Variants in MEIOSIN observed in about 807,000 individuals in gnomAD.
MEIOSIN encodes the protein meiosis initiator protein.
A neutral mutation model predicts 23.4 loss-of-function variants in MEIOSIN; 18 were observed. The observed-to-expected ratio is 0.77, with a 90% CI of 0.53 to 1.14. The LOEUF is 1.14. Ranked by LOEUF, MEIOSIN falls within the 50% of genes most tolerant of loss-of-function variation. The pLI, the probability that MEIOSIN is intolerant of heterozygous loss-of-function variation, is 0.00. For missense variants in MEIOSIN, 428 were observed against 242.9 expected (o/e 1.76, Z -5.07); for synonymous variants, 187 against 100.6 (o/e 1.86, Z -5.14).
At chr19:45,760,790 T>A (rs1332696440) in intron 11 of MEIOSIN, among the ~76,000 whole-genome samples, 1 of 151,570 alleles carries the variant, frequency 6.6e-6, no homozygotes, top group African/African-American at 2.4e-5. Flanking sequence ...TAGCTGGGCG[T>A]GGTGGTGGGC....
At chr19:45,739,765 G>C in intron 3 of MEIOSIN, 35 bp downstream of exon 3, 1 of 703,038 alleles carries the variant, frequency 1.4e-6, no homozygotes. Flanking sequence ...TTGGATGTTG[G>C]CCAAGCAAAA....
intron 3 of MEIOSIN, among the ~76,000 whole-genome samples, chr19:45,741,024 C>A (rs1219120708): frequency 2.0e-5 from 3 of 152,024 alleles, no homozygotes; most frequent in Non-Finnish European, 2.9e-5. Flanking sequence ...GGGCCCTATA[C>A]AATTTTACCT....
At chr19:45,748,112 C>G (rs892359003) in intron 4 of MEIOSIN, among the ~76,000 whole-genome samples, 1 of 151,380 alleles carries the variant, frequency 6.6e-6, no homozygotes, top group Non-Finnish European at 1.5e-5. Flanking sequence ...GAGTCCCGCT[C>G]TGTACCCCAG....
chr19:45,759,018 G>A lies in MEIOSIN; in HGVS notation c.1153G>A (p.Glu385Lys), dbSNP rs1186145725. 1.4e-6 allele frequency: 1 copy of A among 703,080 alleles called. No homozygotes were observed. Among genetic ancestry groups the A allele is most frequent in the Non-Finnish European group, 2.6e-6 (1 of 385,018 alleles). The allele number at this position is 703,080 out of a possible 1,614,324, so 43.6% of individuals were successfully genotyped here. Residue 385 changes from glutamate to lysine, a missense_variant, in exon 10 of 15, where the codon GAG (glutamate) becomes AAG (lysine). Physicochemically the swap from Glu to Lys is moderately conservative, Grantham distance 56. Transcript: ENST00000457052. ...AGACGAGATCTTGGAGGATGACATGGAGTACCTGACCCAAGGTGAGGCCCA... is the reference window on the plus strand; with the variant it reads ...AGACGAGATCTTGGAGGATGACATGAAGTACCTGACCCAAGGTGAGGCCCA... ...LPDEILEDDMEYLTQAAFFEE... is the reference protein window; with the variant it reads ...LPDEILEDDMKYLTQAAFFEE...
At chr19:45,759,920 G>GC (rs1412524492) in intron 11 of MEIOSIN, among the ~76,000 whole-genome samples, 1 of 152,040 alleles carries the variant, frequency 6.6e-6, no homozygotes, top group Non-Finnish European at 1.5e-5. Flanking sequence ...TCCTGCCTCA[G>GC]CCCCCCTAGT....
intron 2 of MEIOSIN, 57 bp downstream of exon 2, chr19:45,735,504 A>T (rs1402371410): frequency 1.5e-6 from 1 of 669,808 alleles, no homozygotes; most frequent in East Asian, 2.7e-5. Context: ...AATAATAATA[A>T]CAAAAACATT....
intron 3 of MEIOSIN, among the ~76,000 whole-genome samples, chr19:45,741,023 A>T (rs1350990778): frequency 6.6e-6 from 1 of 151,972 alleles, no homozygotes; most frequent in Non-Finnish European, 1.5e-5. Flanking sequence ...TGGGCCCTAT[A>T]CAATTTTACC....
At chr19:45,756,618 C>A (rs574851552) in intron 8 of MEIOSIN, among the ~76,000 whole-genome samples, 124 of 151,972 alleles carry the variant, frequency 8.2e-4, no homozygotes, top group Non-Finnish European at 1.5e-3. Flanking sequence ...GAAATGAGGT[C>A]CCCCTATGTT....
intron 11 of MEIOSIN, 37 bp from the exon 12 acceptor site, chr19:45,761,635 ACCACTTG>A: frequency 1.5e-6 from 1 of 688,176 alleles, no homozygotes; most frequent in South Asian, 1.5e-5. Context: ...ATGAAGGGGC[ACCACTTG>A]TCTCCCCTCC....
At chr19:45,758,338 C>A (rs1226133208) in intron 9 of MEIOSIN, among the ~76,000 whole-genome samples, 1 of 152,038 alleles carries the variant, frequency 6.6e-6, no homozygotes, top group Non-Finnish European at 1.5e-5. Flanking sequence ...TATAATCAGC[C>A]TATGGGACTT....
Position 45,763,993 on chromosome 19 carries a change from C to T in MEIOSIN, c.1792C>T (p.Arg598Cys), listed in dbSNP as rs1969004783. 1.0e-5 allele frequency: 4 copies of T among 398,612 alleles called. No individual in the cohort carries two copies. In the East Asian group the frequency reaches 1.1e-4, roughly 11 times the overall value. 24.7% of individuals were successfully genotyped at this position (398,612 alleles called of 1,614,324 possible). Residue 598 changes from arginine to cysteine, a missense_variant, in exon 15 of 15, where the codon CGC (arginine) becomes TGC (cysteine). Arg to Cys is a radical substitution (Grantham distance 180). Transcript: ENST00000457052. The stretch of plus-strand genomic sequence containing the variant: ...CAGCACCAAGGCTCGCAGGTTCAGC[C>T]GCCAGCACAACCGCATCGTGAAGCA... ...PYCTKARRFS[R>C]QHNRIVKQDG...
At chr19:45,761,423 A>ATTTTTTTT (rs35838022) in intron 11 of MEIOSIN, among the ~76,000 whole-genome samples, 1 of 59,800 alleles carries the variant, frequency 1.7e-5, no homozygotes, top group Non-Finnish European at 2.9e-5. Flanking sequence ...CGCCTGGCCT[A>ATTTTTTTT]TTTTTTTTTT....
rs556426955 is a variant in MEIOSIN, at chr19:45,736,425, C to T, written c.71+978C>T. Among the ~76,000 whole-genome samples the T allele has an allele frequency of 1.8e-4, 27 of 151,958 alleles. No individual in the cohort carries two copies. The South Asian group carries it at 3.5e-3, about 20-fold the overall frequency. ...GCCCAGGCTGTAGAGTGCAGTGGCG[C>T]GATCTTGGTTCACTGCAACCTCTGC... is the stretch of plus-strand genomic sequence containing the variant. On this transcript the variant is annotated intron_variant, in intron 2 of 14. Transcript: ENST00000457052.
At chr19:45,763,075 C>T (rs112909461) in intron 13 of MEIOSIN, among the ~76,000 whole-genome samples, 28 of 152,346 alleles carry the variant, frequency 1.8e-4, no homozygotes, top group African/African-American at 6.5e-4. Flanking sequence ...GAGGCCCCCC[C>T]CAAGCCACAG....
In MEIOSIN at chr19:45,736,645, T is replaced by C. The variant is rs563216433; in HGVS notation, c.71+1198T>C. Among the ~76,000 whole-genome samples the C allele has an allele frequency of 2.8e-3, 420 of 152,210 alleles. 1 individual carries two copies. Among genetic ancestry groups the C allele is most frequent in the African/African-American group, 9.4e-3 (391 of 41,536 alleles). ...GTGCAGTGGCGTCATCTGGGCTCAC[T>C]GCAAGCTCAACCTCCCGGATTCACG... On this transcript the variant is annotated intron_variant, in intron 2 of 14. Coordinates refer to ENST00000457052, the MANE Select transcript of MEIOSIN (RefSeq NM_001310124.2).
chr19:45,756,040 G>A lies in MEIOSIN; in HGVS notation c.873G>A (p.Ala291=), dbSNP rs950857879. The change falls in exon 8 of 15, where the codon GCG becomes GCA. Residue 291 remains alanine (A), a synonymous_variant. Transcript: ENST00000457052. ...CGCTCCTGGCTCAGGAAGATGTGGC[G>A]AGGATCCATTTTCTCAACAAGACCC... The part of the protein sequence containing the change: ...FPALLAQEDV[A]RIHFLNKTQP... The A allele has an allele frequency of 2.7e-5, 19 of 702,800 alleles. No homozygotes were observed. The highest frequency in any genetic ancestry group is 1.0e-4 in the Admixed American group (5 of 49,992). The allele number at this position is 702,800 out of a possible 1,614,324, so 43.5% of individuals were successfully genotyped here.
rs1270081535 is a variant in MEIOSIN, at chr19:45,758,915, C to T, written c.1050C>T (p.Val350=). The T allele has an allele frequency of 1.4e-6, 1 of 702,974 alleles. No homozygotes were observed. Among genetic ancestry groups the T allele is most frequent in the African/African-American group, 1.7e-5 (1 of 57,274 alleles). 43.5% of individuals were successfully genotyped at this position (702,974 alleles called of 1,614,324 possible). A position where few individuals can be genotyped will look rare whatever the true frequency, so the allele number is the denominator to read the frequency against. ...PLFLGPPQID[V]WSGTGHPSEI... ...TCCTGGGGCCTCCCCAGATTGATGT[C>T]TGGAGTGGAACAGGCCACCCAAGTG... The change falls in exon 10 of 15, where the codon GTC becomes GTT. Residue 350 remains valine (V), a synonymous_variant. Transcript: ENST00000457052.
intron 3 of MEIOSIN, among the ~76,000 whole-genome samples, chr19:45,742,754 G>A (rs947461949): frequency 6.6e-6 from 1 of 151,960 alleles, no homozygotes; most frequent in African/African-American, 2.4e-5. Context: ...CTGAGATCGC[G>A]CCACTGCACT....
intron 5 of MEIOSIN, among the ~76,000 whole-genome samples, chr19:45,752,372 C>A (rs975890896): frequency 1.3e-5 from 2 of 152,046 alleles, no homozygotes; most frequent in African/African-American, 4.8e-5. Context: ...CCCGCCACCA[C>A]ACCCAGCTAA....
Sources: gnomAD v4.1 joint callset for allele counts (sites outside exome capture counted in the v4.1 genomes callset) on GRCh38, gnomAD v4.1.1 for gene constraint, MANE v1.5 for transcripts, NCBI Gene and HGNC (gene_info 2026-07-23, HGNC 2026-07-21) for gene names.